CNTNAP2: variants seen among roughly 807,000 people sequenced by gnomAD.
The protein encoded by CNTNAP2 is contactin associated protein 2, also known as contactin-associated protein-like 2.
CNTNAP2 carries 98 observed loss-of-function variants against 155.2 expected under a neutral mutation model. The observed-to-expected ratio is 0.63, with a 90% CI of 0.54 to 0.75. The LOEUF is 0.75. Among genes scored for constraint, CNTNAP2 ranks in the 30% least tolerant of loss-of-function variants. The pLI is 0.00. For synonymous variants in CNTNAP2, 651 were observed against 631.2 expected, an observed-to-expected ratio of 1.03 and a Z score of -0.47; for missense variants, 1,727 against 1,688.1, an observed-to-expected ratio of 1.02 and a Z score of -0.40.
chr7:147,848,711 T>C (rs1393617539), intron 13 of CNTNAP2, among the ~76,000 whole-genome samples: 1 of 74,506 alleles, frequency 1.3e-5, no homozygotes. Context: ...CTTTAGTTAA[T>C]GGTAAAAAAA....
intron 10 of CNTNAP2, among the ~76,000 whole-genome samples, chr7:147,458,048 G>A (rs1352642452): frequency 6.6e-6 from 1 of 152,000 alleles, no homozygotes; most frequent in African/African-American, 2.4e-5. Flanking sequence ...TTCACTCTAG[G>A]AAAGAGGTCA....
At chr7:146,792,999 G>GA (rs1417323392) in intron 2 of CNTNAP2, among the ~76,000 whole-genome samples, 1 of 151,984 alleles carries the variant, frequency 6.6e-6, no homozygotes, top group Non-Finnish European at 1.5e-5. Flanking sequence ...AAACTAAAAA[G>GA]AAACAGGTGA....
At chr7:147,188,823 T>A (rs1445910233) in intron 8 of CNTNAP2, among the ~76,000 whole-genome samples, 1 of 152,190 alleles carries the variant, frequency 6.6e-6, no homozygotes, top group African/African-American at 2.4e-5. Context: ...GGGAAATAAT[T>A]TAAAAATTGA....
chr7:147,925,285 C>T (rs113051484), intron 14 of CNTNAP2, among the ~76,000 whole-genome samples: 484 of 45,146 alleles, frequency 0.011, 9 homozygotes, highest in Non-Finnish European at 0.013. Flanking sequence ...CACACACAAG[C>T]GCGCGCGCAC....
intron 13 of CNTNAP2, among the ~76,000 whole-genome samples, chr7:147,790,462 A>T (rs1364448599): frequency 6.6e-6 from 1 of 152,182 alleles, no homozygotes; most frequent in East Asian, 1.9e-4. Context: ...TAACCTCTGG[A>T]GATTATCAAT....
At chr7:146,582,184 A>C (rs887184051) in intron 1 of CNTNAP2, among the ~76,000 whole-genome samples, 3 of 152,136 alleles carry the variant, frequency 2.0e-5, no homozygotes, top group African/African-American at 7.2e-5. Context: ...CTTCAAGAAA[A>C]GGTTTCCCCA....
intron 14 of CNTNAP2, among the ~76,000 whole-genome samples, chr7:147,907,063 T>A (rs938455863): frequency 6.7e-6 from 1 of 149,664 alleles, no homozygotes; most frequent in African/African-American, 2.4e-5. Flanking sequence ...TAATGAATAT[T>A]TTTTTTTTTA....
chr7:147,418,874 G>C (rs546747952), intron 10 of CNTNAP2, among the ~76,000 whole-genome samples: 5 of 152,110 alleles, frequency 3.3e-5, no homozygotes, highest in African/African-American at 1.2e-4. Context: ...TTCAAGCCTC[G>C]AAGCACCAGC....
intron 3 of CNTNAP2, among the ~76,000 whole-genome samples, chr7:147,006,201 A>T (rs1266396816): frequency 2.0e-5 from 3 of 152,032 alleles, no homozygotes. Context: ...AAAAGAAAAA[A>T]GCGTTTTGGG....
intron 1 of CNTNAP2, among the ~76,000 whole-genome samples, chr7:146,672,478 T>C (rs1393361524): frequency 6.6e-6 from 1 of 152,198 alleles, no homozygotes; most frequent in Non-Finnish European, 1.5e-5. Flanking sequence ...GCATGCATTC[T>C]CTTGGCCAAA....
intron 1 of CNTNAP2, among the ~76,000 whole-genome samples, chr7:146,375,896 C>A (rs544041380): frequency 1.3e-5 from 2 of 152,130 alleles, no homozygotes; most frequent in Non-Finnish European, 2.9e-5. Context: ...ATGCCAGATA[C>A]GTGGGAAAAT....
intron 21 of CNTNAP2, among the ~76,000 whole-genome samples, chr7:148,287,787 CTTTT>C (rs1230237736): frequency 1.5e-5 from 1 of 64,906 alleles, no homozygotes; most frequent in Non-Finnish European, 2.7e-5. Context: ...TTCTTTCTTT[CTTTT>C]TTTCTTTTTT....
intron 1 of CNTNAP2, among the ~76,000 whole-genome samples, chr7:146,742,077 A>G (rs1252638372): frequency 6.6e-6 from 1 of 151,934 alleles, no homozygotes; most frequent in African/African-American, 2.4e-5. Context: ...TAAAAAAAAA[A>G]AAAGAAAATT....
At chr7:148,364,003 G>A (rs942915885) in intron 21 of CNTNAP2, among the ~76,000 whole-genome samples, 27 of 152,172 alleles carry the variant, frequency 1.8e-4, no homozygotes, top group Non-Finnish European at 2.4e-4. Flanking sequence ...CCGGCCCACC[G>A]GCGCTGCGCT....
intron 12 of CNTNAP2, among the ~76,000 whole-genome samples, chr7:147,603,784 A>G (rs1480050365): frequency 2.0e-5 from 3 of 152,172 alleles, no homozygotes; most frequent in Admixed American, 2.0e-4. Context: ...AGCCAAAAGA[A>G]CAAAGCTGGA....
chr7:146,671,795 C>A (rs1274091054), intron 1 of CNTNAP2, among the ~76,000 whole-genome samples: 2 of 151,736 alleles, frequency 1.3e-5, no homozygotes, highest in Non-Finnish European at 2.9e-5. Flanking sequence ...TCTTTCTTTT[C>A]TTTTCTTTTT....
chr7:146,930,950 C>T (rs558501704), intron 3 of CNTNAP2, among the ~76,000 whole-genome samples: 29 of 152,246 alleles, frequency 1.9e-4, no homozygotes, highest in Non-Finnish European at 3.4e-4. Flanking sequence ...TCCTGAGTGA[C>T]CTACAAAGAG....
rs189200757 is a variant in CNTNAP2 at position 146,305,882 on chromosome 7, G to A, written c.97+188909G>A. On this transcript the variant is annotated intron_variant, in intron 1 of 23. Coordinates refer to ENST00000361727, the MANE Select transcript of CNTNAP2 (RefSeq NM_014141.6). ...ACATTCAAAAGCTAGCAGAAGGCAA[G>A]AAATAACTAAGATCAGAGCAGAACT... Among the ~76,000 whole-genome samples the A allele has an allele frequency of 2.3e-3, 356 of 152,112 alleles. 4 individuals carry two copies. The highest frequency in any genetic ancestry group is 8.3e-3 in the African/African-American group (343 of 41,500).
intron 1 of CNTNAP2, among the ~76,000 whole-genome samples, chr7:146,391,309 G>T (rs573488424): frequency 6.6e-6 from 1 of 151,830 alleles, no homozygotes; most frequent in African/African-American, 2.4e-5. Context: ...AGAAAGCCTT[G>T]CTTTTTGTGC....
Sources: gnomAD v4.1 joint callset for allele counts (sites outside exome capture counted in the v4.1 genomes callset) on GRCh38, gnomAD v4.1.1 for gene constraint, MANE v1.5 for transcripts, NCBI Gene and HGNC (gene_info 2026-07-23, HGNC 2026-07-21) for gene names.